Variants in SLC8A1 observed in about 807,000 individuals in gnomAD.
SLC8A1 encodes solute carrier family 8 member A1.
SLC8A1 carries 18 observed loss-of-function variants against 68.3 expected under a neutral mutation model. That is an observed-to-expected ratio of 0.26 (90% CI 0.18 to 0.39). SLC8A1 has a LOEUF of 0.39. SLC8A1 is among the 10% of genes least tolerant of loss of function. The probability of loss-of-function intolerance (pLI) is 1.00; values close to 1 mark genes in which losing one functional copy is unlikely to be tolerated. For synonymous variants in SLC8A1, 475 were observed against 415.5 expected, an observed-to-expected ratio of 1.14 and a Z score of -1.74; for missense variants, 985 against 1,156.7, an observed-to-expected ratio of 0.85 and a Z score of 2.15.
intron 2 of SLC8A1, among the ~76,000 whole-genome samples, chr2:40,352,676 G>C (rs1000808577): frequency 3.3e-5 from 5 of 152,230 alleles, no homozygotes; most frequent in African/African-American, 1.2e-4. Flanking sequence ...TAGCCTCCAA[G>C]AGTCGGCCTA....
chr2:40,125,240 C>A (rs538560332), intron 7 of SLC8A1, among the ~76,000 whole-genome samples: 4 of 152,206 alleles, frequency 2.6e-5, no homozygotes, highest in African/African-American at 9.6e-5. Context: ...TGAAAAGCAT[C>A]CTATATACTA....
At chr2:40,323,813 C>A (rs1377723133) in intron 2 of SLC8A1, among the ~76,000 whole-genome samples, 1 of 151,960 alleles carries the variant, frequency 6.6e-6, no homozygotes, top group Non-Finnish European at 1.5e-5. Flanking sequence ...TGAAGTGATG[C>A]CAGAAAACTC....
chr2:40,236,239 C>T (rs951485742), intron 2 of SLC8A1, among the ~76,000 whole-genome samples: 1 of 150,984 alleles, frequency 6.6e-6, no homozygotes, highest in Non-Finnish European at 1.5e-5. Context: ...GAGTCTAAGT[C>T]TCTTTGAAGG....
rs140820025 is a variant in SLC8A1, at chr2:40,305,508, C to A, written c.1808+122965G>T. 9.9e-3 allele frequency among the ~76,000 whole-genome samples: 1,500 copies of A among 152,206 alleles called. 10 individuals carry two copies. Among genetic ancestry groups the A allele is most frequent in the Middle Eastern group, 0.044 (13 of 294 alleles). On this transcript the variant is annotated intron_variant, in intron 2 of 7. Transcript: ENST00000406785. Reference sequence around the variant, plus strand: ...TAAATTAATAACTGAGAGGATGGATCAAGTTATAGAAGCTATGTATACACT... The same window carrying A: ...TAAATTAATAACTGAGAGGATGGATAAAGTTATAGAAGCTATGTATACACT...
chr2:40,162,138 G>T (rs368618), intron 5 of SLC8A1, among the ~76,000 whole-genome samples: 2 of 152,138 alleles, frequency 1.3e-5, no homozygotes, highest in African/African-American at 4.8e-5. Flanking sequence ...TATGTCCTTA[G>T]GGTGATGACC....
chr2:40,283,401 C>T (rs114589275), intron 2 of SLC8A1, among the ~76,000 whole-genome samples: 2,644 of 152,208 alleles, frequency 0.017, 72 homozygotes, highest in African/African-American at 0.06. Context: ...AAGAGAATAA[C>T]GAACAGTTAT....
chr2:40,485,648 C>A (rs1218931294), intron 1 of SLC8A1, among the ~76,000 whole-genome samples: 2 of 152,080 alleles, frequency 1.3e-5, no homozygotes, highest in Non-Finnish European at 2.9e-5. Context: ...TGAAAACACA[C>A]ACTAAAAATG....
chr2:40,297,984 G>A (rs535574897), intron 2 of SLC8A1, among the ~76,000 whole-genome samples: 3 of 152,034 alleles, frequency 2.0e-5, no homozygotes, highest in East Asian at 1.9e-4. Flanking sequence ...CGTTCAAACC[G>A]TTCTTCTGCC....
chr2:40,333,172 C>T (rs575769301), intron 2 of SLC8A1, among the ~76,000 whole-genome samples: 2 of 152,324 alleles, frequency 1.3e-5, no homozygotes, highest in Middle Eastern at 3.4e-3. Flanking sequence ...GGTGCGGTGG[C>T]TCACGCCTAT....
At chr2:40,331,536 T>C (rs1403163398) in intron 2 of SLC8A1, among the ~76,000 whole-genome samples, 3 of 152,204 alleles carry the variant, frequency 2.0e-5, no homozygotes, top group Non-Finnish European at 4.4e-5. Context: ...ATGAGTTTTG[T>C]ACTAAAACTC....
chr2:40,433,869 C>G (rs1382869709), intron 1 of SLC8A1, among the ~76,000 whole-genome samples: 4 of 152,142 alleles, frequency 2.6e-5, no homozygotes, highest in Admixed American at 2.6e-4. Context: ...TCAGGAGGGC[C>G]TAGTTAGCAA....
At chr2:40,251,306 A>C (rs556991990) in intron 2 of SLC8A1, 101 of 152,348 alleles carry the variant, frequency 6.6e-4, no homozygotes, top group African/African-American at 2.2e-3. Flanking sequence ...GTTGCCAAGG[A>C]GACTGTGTAA....
intron 2 of SLC8A1, among the ~76,000 whole-genome samples, chr2:40,399,049 A>G (rs561538249): frequency 2.0e-5 from 3 of 152,352 alleles, no homozygotes; most frequent in Non-Finnish European, 2.9e-5. Context: ...ATGAGAAAGC[A>G]TCTGTCAGAG....
chr2:40,444,759 A>C (rs925950036), intron 1 of SLC8A1, among the ~76,000 whole-genome samples: 1 of 152,234 alleles, frequency 6.6e-6, no homozygotes, highest in Admixed American at 6.5e-5. Context: ...GTAACATTTT[A>C]TGGAACACAG....
intron 2 of SLC8A1, among the ~76,000 whole-genome samples, chr2:40,238,148 C>G (rs889189491): frequency 2.6e-5 from 4 of 152,062 alleles, no homozygotes; most frequent in East Asian, 1.9e-4. Flanking sequence ...TCGAGCTTCC[C>G]GGCTGCTTTG....
At chr2:40,290,137 G>T (rs186183859) in intron 2 of SLC8A1, among the ~76,000 whole-genome samples, 311 of 152,074 alleles carry the variant, frequency 2.0e-3, no homozygotes, top group Middle Eastern at 0.014. Flanking sequence ...CACCTAAACT[G>T]TTGGTTCCAT....
chr2:40,327,792 T>G (rs182937484), intron 2 of SLC8A1, among the ~76,000 whole-genome samples: 4 of 152,136 alleles, frequency 2.6e-5, no homozygotes, highest in Non-Finnish European at 5.9e-5. Context: ...CAACTACCTA[T>G]TGGATACTAT....
At chr2:40,297,756 C>T (rs570318811) in intron 2 of SLC8A1, among the ~76,000 whole-genome samples, 3 of 152,262 alleles carry the variant, frequency 2.0e-5, no homozygotes, top group African/African-American at 7.2e-5. Context: ...GGTAGAGTAA[C>T]AGTCTCAAGA....
intron 2 of SLC8A1, among the ~76,000 whole-genome samples, chr2:40,389,197 G>C: frequency 6.6e-6 from 1 of 152,024 alleles, no homozygotes; most frequent in African/African-American, 2.4e-5. Context: ...ATTTAACAGA[G>C]AGGCTATACG....
Sources: allele counts gnomAD v4.1 joint callset (sites outside exome capture counted in the v4.1 genomes callset), GRCh38; gene constraint gnomAD v4.1.1; transcripts MANE v1.5; gene names NCBI Gene and HGNC (gene_info 2026-07-23, HGNC 2026-07-21).